The following FOXJ3 variants were observed in gnomAD, a reference collection of about 807,000 sequenced individuals.
FOXJ3 encodes the protein forkhead box protein J3.
In FOXJ3, 22 loss-of-function variants were observed where a neutral mutation model predicts 76.1. The observed-to-expected ratio is 0.29, with a 90% confidence interval of 0.21 to 0.41. The LOEUF (loss-of-function observed/expected upper bound fraction) is 0.41. Among genes scored for constraint, FOXJ3 ranks in the 10% least tolerant of loss-of-function variants. The probability of loss-of-function intolerance (pLI) is 1.00; values close to 1 mark genes in which losing one functional copy is unlikely to be tolerated. For synonymous variants in FOXJ3, 269 were observed against 261.2 expected (o/e 1.03, Z -0.29); for missense variants, 613 against 762.1 (o/e 0.80, Z 2.30).
intron 5 of FOXJ3, among the ~76,000 whole-genome samples, chr1:42,212,974 A>C (rs1411525652): frequency 2.0e-5 from 3 of 150,658 alleles, no homozygotes. Context: ...AAAAAAAACA[A>C]AAAAAAAACT....
chr1:42,291,066 A>ATAGG (rs1319026634), intron 2 of FOXJ3, among the ~76,000 whole-genome samples: 1 of 146,964 alleles, frequency 6.8e-6, no homozygotes, highest in African/African-American at 2.5e-5. Context: ...AGATAGATAG[A>ATAGG]TAGATAGATA....
intron 3 of FOXJ3, among the ~76,000 whole-genome samples, chr1:42,273,756 G>A (rs1652047562): frequency 6.6e-6 from 1 of 151,470 alleles, no homozygotes; most frequent in African/African-American, 2.4e-5. Flanking sequence ...TCCCTAGGCT[G>A]AACCCAGACA....
At chr1:42,268,836 G>T (rs1408044148) in intron 3 of FOXJ3, among the ~76,000 whole-genome samples, 1 of 152,102 alleles carries the variant, frequency 6.6e-6, no homozygotes, top group Non-Finnish European at 1.5e-5. Flanking sequence ...TTTGGAGGTG[G>T]AGCCTTTAAG....
Position 42,228,230 on chromosome 1 carries a change from CAACAA to C in FOXJ3, c.445-269_445-265del, listed in dbSNP as rs1369454332. Among the ~76,000 whole-genome samples the C allele has an allele frequency of 2.0e-5, 3 of 152,014 alleles. 1 individual carries two copies. Among genetic ancestry groups the C allele is most frequent in the Admixed American group, 2.0e-4 (3 of 15,248 alleles). On this transcript the variant is annotated intron_variant, in intron 4 of 12. Transcript: ENST00000361346. ...CACCAAAATTTAGAAAGAAAATGAT[CAACAA>C]AACACATTTTTTATAGTAATTCTCA...
intron 1 of FOXJ3, among the ~76,000 whole-genome samples, chr1:42,331,445 A>G (rs559888660): frequency 6.6e-6 from 1 of 152,358 alleles, no homozygotes; most frequent in East Asian, 1.9e-4. Context: ...AGCAATGGCT[A>G]TCAACGTAGT....
chr1:42,293,818 A>G (rs533994922), intron 2 of FOXJ3, among the ~76,000 whole-genome samples: 2 of 152,108 alleles, frequency 1.3e-5, no homozygotes, highest in African/African-American at 2.4e-5. Flanking sequence ...AGCTCCATAT[A>G]TATGTGAGAC....
In FOXJ3 at chr1:42,282,067, A is replaced by AG. The variant is rs1652758156; in HGVS notation, c.45-3396dup. Among the ~76,000 whole-genome samples, 7 of 150,922 alleles carry AG rather than the reference A, an allele frequency of 4.6e-5. No homozygotes were observed. The South Asian group carries it at 1.3e-3, about 27-fold the overall frequency. ...GAGCGAGACTCAGTCTCAAAAAAGG[A>AG]GAAAAAAAAAAAAAAGAAACAAACA... is the stretch of plus-strand genomic sequence containing the variant. On this transcript the variant is annotated intron_variant, in intron 2 of 12. Transcript: ENST00000361346.
chr1:42,232,620 C>T (rs1299313562), intron 4 of FOXJ3, among the ~76,000 whole-genome samples: 7 of 151,604 alleles, frequency 4.6e-5, no homozygotes, highest in Middle Eastern at 3.4e-3. Context: ...CTGTTCATAT[C>T]CTTCGCCCAC....
intron 4 of FOXJ3, among the ~76,000 whole-genome samples, chr1:42,239,137 A>G (rs1648931528): frequency 6.6e-6 from 1 of 152,206 alleles, no homozygotes; most frequent in Non-Finnish European, 1.5e-5. Context: ...TAACCTTGCT[A>G]AACTCACATA....
chr1:42,180,731 A>T (rs115619891), intron 12 of FOXJ3, among the ~76,000 whole-genome samples: 2 of 152,224 alleles, frequency 1.3e-5, no homozygotes, highest in Non-Finnish European at 2.9e-5. Context: ...AAAAAAACTT[A>T]TAAGTTCCTT....
intron 4 of FOXJ3, among the ~76,000 whole-genome samples, chr1:42,231,372 C>G (rs1332122056): frequency 1.3e-5 from 2 of 151,956 alleles, no homozygotes; most frequent in Admixed American, 1.3e-4. Flanking sequence ...TACTCTGACA[C>G]ATAAGCCAGT....
At chr1:42,308,125 AT>A (rs1654578546) in intron 2 of FOXJ3, among the ~76,000 whole-genome samples, 2 of 152,216 alleles carry the variant, frequency 1.3e-5, no homozygotes, top group Admixed American at 6.5e-5. Flanking sequence ...CCACCTGCCT[AT>A]CCATTTTCTG....
In FOXJ3 at chr1:42,191,555, G is replaced by A; in HGVS notation, c.1099C>T (p.Gln367Ter). ...ATCTGGGGGTGAGACAGTGAGACCTGTGCAACCGAATTACTGCCTGTGGTG... is the reference window on the plus strand; with the variant it reads ...ATCTGGGGGTGAGACAGTGAGACCTATGCAACCGAATTACTGCCTGTGGTG... ...LNTTGSNSVAQVSLSHPQMHT... is the reference protein window; with the variant it reads ...LNTTGSNSVA The change falls in exon 9 of 13, where the codon CAG becomes TAG. Residue 367 changes from glutamine (Q) to a stop codon, truncating the protein, a stop_gained. Transcript: ENST00000361346. LOFTEE classifies it high-confidence loss of function. 1 of 1,614,106 alleles carries A rather than the reference G, an allele frequency of 6.2e-7. No individual in the cohort carries two copies. The highest frequency in any genetic ancestry group is 8.5e-7 in the Non-Finnish European group (1 of 1,180,016).
chr1:42,333,629 G>A (rs1656289752), intron 1 of FOXJ3, among the ~76,000 whole-genome samples: 1 of 152,082 alleles, frequency 6.6e-6, no homozygotes, highest in African/African-American at 2.4e-5. Context: ...GGACCAGGAG[G>A]AATAGGCTTC....
intron 4 of FOXJ3, among the ~76,000 whole-genome samples, chr1:42,237,203 G>A (rs529968206): frequency 2.4e-4 from 37 of 151,682 alleles, no homozygotes; most frequent in African/African-American, 8.7e-4. Context: ...GTAAAACCCC[G>A]TCTCTACCAA....
intron 4 of FOXJ3, among the ~76,000 whole-genome samples, chr1:42,235,878 G>A (rs1048270497): frequency 6.6e-6 from 1 of 152,000 alleles, no homozygotes. Flanking sequence ...TGTAGAAATG[G>A]GGTCTCATCA....
chr1:42,242,853 C>T (rs1649256834), intron 4 of FOXJ3, among the ~76,000 whole-genome samples: 1 of 152,120 alleles, frequency 6.6e-6, no homozygotes, highest in Admixed American at 6.5e-5. Flanking sequence ...GCTCAGAGAT[C>T]CCCCAATAGA....
chr1:42,315,436 G>A, intron 1 of FOXJ3: 1 of 983,906 alleles, frequency 1.0e-6, no homozygotes, highest in Non-Finnish European at 1.2e-6. Flanking sequence ...TCAGGCAAGG[G>A]AAAATGATCT....
At chr1:42,196,513 TG>T (rs1646654338) in intron 7 of FOXJ3, among the ~76,000 whole-genome samples, 1 of 152,102 alleles carries the variant, frequency 6.6e-6, no homozygotes, top group Non-Finnish European at 1.5e-5. Context: ...GCCAACATGG[TG>T]AAACCCTGCC....
Sources: gnomAD v4.1 joint callset for allele counts (sites outside exome capture counted in the v4.1 genomes callset) on GRCh38, gnomAD v4.1.1 for gene constraint, MANE v1.5 for transcripts, NCBI Gene and HGNC (gene_info 2026-07-23, HGNC 2026-07-21) for gene names.